XKR6: variants seen among roughly 807,000 people sequenced by gnomAD.
The protein encoded by XKR6 is XK-related protein 6.
In XKR6, 22 loss-of-function variants were observed where a neutral mutation model predicts 56.7. The ratio of observed to expected loss-of-function variants is 0.39; its 90% CI spans 0.28 to 0.55. The LOEUF is 0.55. Among genes scored for constraint, XKR6 ranks in the 20% least tolerant of loss-of-function variants. The pLI, the probability that XKR6 is intolerant of heterozygous loss-of-function variation, is 0.66. For synonymous variants in XKR6, 524 were observed against 387.8 expected (o/e 1.35, Z -4.13); for missense variants, 852 against 889.0 (o/e 0.96, Z 0.53).
intron 1 of XKR6, among the ~76,000 whole-genome samples, chr8:11,027,962 C>T (rs1237122287): frequency 6.6e-6 from 1 of 152,064 alleles, no homozygotes; most frequent in African/African-American, 2.4e-5. Context: ...ATTGACAGAT[C>T]GTCATCACCC....
intron 1 of XKR6, among the ~76,000 whole-genome samples, chr8:11,167,910 A>C (rs1326202177): frequency 5.0e-5 from 7 of 139,700 alleles, no homozygotes; most frequent in Non-Finnish European, 1.1e-4. Flanking sequence ...AAAAAAAAAA[A>C]AACCACACAC....
In XKR6 at chr8:10,916,296, C is replaced by T. The variant is rs150061158; in HGVS notation, c.961+8338G>A. ...ATGGCTCTGGTGCTGAGCTCAGATC[C>T]AATACCTTCACCTCACACAACAAAA... On this transcript the variant is annotated intron_variant, in intron 2 of 2. Coordinates refer to ENST00000416569, the MANE Select transcript of XKR6 (RefSeq NM_173683.4). Among the ~76,000 whole-genome samples the T allele has an allele frequency of 3.2e-4, 49 of 152,302 alleles. No individual in the cohort carries two copies. In the East Asian group the frequency reaches 8.7e-3, roughly 27 times the overall value.
chr8:10,936,074 C>A (rs996474821), intron 1 of XKR6, among the ~76,000 whole-genome samples: 7 of 150,620 alleles, frequency 4.6e-5, no homozygotes, highest in African/African-American at 1.7e-4. Context: ...CTTTATGAAT[C>A]TGGGTGCTCC....
intron 1 of XKR6, among the ~76,000 whole-genome samples, chr8:11,127,443 T>TA (rs1799865597): frequency 6.6e-6 from 1 of 152,260 alleles, no homozygotes; most frequent in African/African-American, 2.4e-5. Flanking sequence ...TAAACTAAGA[T>TA]AAATTATAGT....
chr8:11,065,626 G>C lies in XKR6; in HGVS notation c.764+134950C>G, dbSNP rs184096261. 2.0e-5 allele frequency among the ~76,000 whole-genome samples: 3 copies of C among 151,436 alleles called. No individual in the cohort carries two copies. The East Asian group carries it at 5.8e-4, about 29-fold the overall frequency. On this transcript the variant is annotated intron_variant, in intron 1 of 2. Coordinates refer to ENST00000416569, the MANE Select transcript of XKR6 (RefSeq NM_173683.4). The stretch of plus-strand genomic sequence containing the variant: ...AATCCCTGCTTTGGGAGACAGCCTC[G>C]AGAAGGTTAGTATTCTTTCCTGGCT...
At chr8:11,017,376 C>T (rs773190731) in intron 1 of XKR6, among the ~76,000 whole-genome samples, 1 of 152,250 alleles carries the variant, frequency 6.6e-6, no homozygotes, top group African/African-American at 2.4e-5. Context: ...CAGCTGCTTA[C>T]GCCGGGCAAA....
intron 1 of XKR6, among the ~76,000 whole-genome samples, chr8:11,096,607 T>TGGACCGATGTTAGTC: frequency 6.6e-6 from 1 of 152,322 alleles, no homozygotes; most frequent in South Asian, 2.1e-4. Context: ...AAAAGGAAGA[T>TGGACCGATGTTAGTC]GGACCGATGT....
chr8:11,015,241 C>A (rs1798592260), intron 1 of XKR6, among the ~76,000 whole-genome samples: 2 of 151,612 alleles, frequency 1.3e-5, no homozygotes, highest in Admixed American at 1.3e-4. Flanking sequence ...GTTCCAATTT[C>A]AACTTCCTTA....
intron 1 of XKR6, among the ~76,000 whole-genome samples, chr8:10,973,606 A>T (rs557571170): frequency 1.4e-4 from 21 of 151,546 alleles, no homozygotes; most frequent in African/African-American, 4.4e-4. Flanking sequence ...TCTTTTTTTT[A>T]AAAGTCCCTG....
At chr8:10,923,443 C>G (rs1292135235) in intron 2 of XKR6, among the ~76,000 whole-genome samples, 1 of 152,228 alleles carries the variant, frequency 6.6e-6, no homozygotes, top group African/African-American at 2.4e-5. Flanking sequence ...GCGAGCCTGT[C>G]AGCAGCACAT....
chr8:11,073,658 G>T (rs1288905497), intron 1 of XKR6, among the ~76,000 whole-genome samples: 1 of 152,180 alleles, frequency 6.6e-6, no homozygotes, highest in Non-Finnish European at 1.5e-5. Flanking sequence ...CAATAATAGA[G>T]AATTAAAAGA....
intron 1 of XKR6, chr8:11,124,313 A>G (rs1799644463): frequency 3.0e-6 from 1 of 333,028 alleles, no homozygotes; most frequent in Non-Finnish European, 5.9e-6. Flanking sequence ...CTTCATTTCT[A>G]CTGGACTCTT....
intron 1 of XKR6, among the ~76,000 whole-genome samples, chr8:11,116,930 G>A (rs1799205981): frequency 6.6e-6 from 1 of 152,136 alleles, no homozygotes; most frequent in Admixed American, 6.5e-5. Flanking sequence ...TGAATCCTCA[G>A]AGGTATATTT....
intron 1 of XKR6, chr8:11,105,596 G>C (rs774634803): frequency 1.3e-5 from 2 of 152,236 alleles, no homozygotes; most frequent in Non-Finnish European, 2.9e-5. Context: ...CACTGATTTA[G>C]ATCATCGTAT....
intron 1 of XKR6, among the ~76,000 whole-genome samples, chr8:11,025,757 G>A (rs1469670292): frequency 6.6e-6 from 1 of 152,134 alleles, no homozygotes; most frequent in Non-Finnish European, 1.5e-5. Flanking sequence ...TGAGCTGGAT[G>A]AGTAATTAGT....
At chr8:10,965,391 T>C (rs1388900928) in intron 1 of XKR6, among the ~76,000 whole-genome samples, 1 of 152,150 alleles carries the variant, frequency 6.6e-6, no homozygotes, top group African/African-American at 2.4e-5. Context: ...CCACAGACTT[T>C]CCCACTCAAG....
At chr8:10,966,525 T>A (rs1421526221) in intron 1 of XKR6, among the ~76,000 whole-genome samples, 4 of 151,900 alleles carry the variant, frequency 2.6e-5, no homozygotes, top group East Asian at 3.9e-4. Context: ...TACAAAAAAA[T>A]TAGCCTGGCG....
chr8:11,093,078 G>A (rs1010513434), intron 1 of XKR6, among the ~76,000 whole-genome samples: 13 of 150,670 alleles, frequency 8.6e-5, no homozygotes, highest in Admixed American at 2.0e-4. Flanking sequence ...TCTTTTAGAC[G>A]GAGTTTCACT....
At chr8:11,144,052 C>A (rs150325575) in intron 1 of XKR6, among the ~76,000 whole-genome samples, 2 of 151,666 alleles carry the variant, frequency 1.3e-5, no homozygotes, top group African/African-American at 4.9e-5. Flanking sequence ...TGGATTAAGA[C>A]CCCCCGTCAA....
Sources: gnomAD v4.1 joint callset for allele counts (sites outside exome capture counted in the v4.1 genomes callset) on GRCh38, gnomAD v4.1.1 for gene constraint, MANE v1.5 for transcripts, NCBI Gene and HGNC (gene_info 2026-07-23, HGNC 2026-07-21) for gene names.